ITGA8: variants seen among roughly 807,000 people sequenced by gnomAD.
ITGA8 encodes integrin subunit alpha 8, also known as integrin alpha-8.
In ITGA8, 91 loss-of-function variants were observed where a neutral mutation model predicts 142.3. The observed-to-expected ratio is 0.64, with a 90% confidence interval of 0.54 to 0.76. The LOEUF (loss-of-function observed/expected upper bound fraction) is 0.76. Ranked by LOEUF, ITGA8 falls within the 30% of genes least tolerant of loss-of-function variation. The pLI, the probability that ITGA8 is intolerant of heterozygous loss-of-function variation, is 0.00. For missense variants in ITGA8, 1,406 were observed against 1,327.7 expected, an observed-to-expected ratio of 1.06 and a Z score of -0.92; for synonymous variants, 505 against 485.2, an observed-to-expected ratio of 1.04 and a Z score of -0.54.
chr10:15,677,593 T>C lies in ITGA8; in HGVS notation c.675A>G (p.Gln225=). ...IVGGPGSFYW[Q]GQVITASVAD... ...TTCTTGTCTGCCAACAGAACATACC[T>C]TGCCAGTAGAAACTCCCAGGTCCTC... is the stretch of plus-strand genomic sequence containing the variant. Residue 225 remains glutamine (Q), a splice_region_variant and synonymous_variant, in exon 6 of 30, where the codon CAA becomes CAG. Coordinates refer to ENST00000378076, the MANE Select transcript of ITGA8 (RefSeq NM_003638.3). 1 of 1,613,394 alleles carries C rather than the reference T, an allele frequency of 6.2e-7. No individual in the cohort carries two copies. The highest frequency in any genetic ancestry group is 8.5e-7 in the Non-Finnish European group (1 of 1,179,612).
At chr10:15,535,150 C>G (rs1475239529) in intron 27 of ITGA8, among the ~76,000 whole-genome samples, 3 of 152,310 alleles carry the variant, frequency 2.0e-5, no homozygotes, top group African/African-American at 7.2e-5. Context: ...GGATTTCTCC[C>G]TGGGCCTTAG....
At chr10:15,525,538 A>G (rs1446596720) in intron 28 of ITGA8, among the ~76,000 whole-genome samples, 1 of 146,240 alleles carries the variant, frequency 6.8e-6, no homozygotes, top group Non-Finnish European at 1.5e-5. Context: ...GCTACTAGGG[A>G]GGCCGAGGTA....
At chr10:15,601,711 T>A (rs898409095) in intron 20 of ITGA8, among the ~76,000 whole-genome samples, 7 of 152,148 alleles carry the variant, frequency 4.6e-5, no homozygotes, top group African/African-American at 1.7e-4. Context: ...TAAGGTTTCC[T>A]AGAGCAAGAG....
intron 2 of ITGA8, among the ~76,000 whole-genome samples, chr10:15,704,961 T>G (rs1835230737): frequency 6.6e-6 from 1 of 151,930 alleles, no homozygotes; most frequent in African/African-American, 2.4e-5. Context: ...GTCCCAACCA[T>G]TCACCTAACA....
At chr10:15,694,678 CATATATATATATAT>C (rs71374639) in intron 2 of ITGA8, among the ~76,000 whole-genome samples, 3 of 77,528 alleles carry the variant, frequency 3.9e-5, no homozygotes, top group Non-Finnish European at 7.4e-5. Flanking sequence ...TATTTGTCGA[CATATATATATATAT>C]ATATATATAT....
chr10:15,655,810 G>T (rs1036331635), intron 10 of ITGA8, among the ~76,000 whole-genome samples: 1 of 152,098 alleles, frequency 6.6e-6, no homozygotes, highest in African/African-American at 2.4e-5. Flanking sequence ...TTCAGGCTGG[G>T]TGTGGTGGCT....
At chr10:15,593,101 A>G (rs149574523) in intron 21 of ITGA8, among the ~76,000 whole-genome samples, 265 of 152,276 alleles carry the variant, frequency 1.7e-3, no homozygotes, top group African/African-American at 6.2e-3. Context: ...ATTCCTCTAC[A>G]GTACAGGAGT....
In ITGA8 at chr10:15,677,633, C is replaced by T. The variant is rs369227165; in HGVS notation, c.635G>A (p.Gly212Glu). ...CCCAGGTCCTCCCACAATAAGGTCT[C>T]CATTCTACAAAACAGAAACAGCAAC... ...AGFSLDFYKNGDLIVGGPGSF... is the reference protein window; with the variant it reads ...AGFSLDFYKNEDLIVGGPGSF... The change falls in exon 6 of 30, where the codon GGA (glycine) becomes GAA (glutamate). Residue 212 changes from glycine to glutamate, a missense_variant. By Grantham distance (98) the Gly-to-Glu change is moderately conservative. Coordinates refer to ENST00000378076, the MANE Select transcript of ITGA8 (RefSeq NM_003638.3). The T allele has an allele frequency of 1.2e-6, 2 of 1,612,966 alleles. No individual in the cohort carries two copies. Among genetic ancestry groups the T allele is most frequent in the South Asian group, 2.2e-5 (2 of 90,894 alleles).
intron 2 of ITGA8, among the ~76,000 whole-genome samples, chr10:15,703,048 T>C (rs557683195): frequency 6.6e-6 from 1 of 152,360 alleles, no homozygotes; most frequent in Non-Finnish European, 1.5e-5. Flanking sequence ...TTTTAAATTA[T>C]TTGTTCATAT....
At chr10:15,535,390 G>T (rs1833408548) in intron 27 of ITGA8, among the ~76,000 whole-genome samples, 1 of 152,240 alleles carries the variant, frequency 6.6e-6, no homozygotes, top group Admixed American at 6.5e-5. Flanking sequence ...GGCGAAGCCA[G>T]CTGGGCTCCT....
chr10:15,702,116 C>T (rs1835174924), intron 2 of ITGA8, among the ~76,000 whole-genome samples: 1 of 152,104 alleles, frequency 6.6e-6, no homozygotes. Flanking sequence ...TAAAGAATAT[C>T]ACAGTTTTCC....
At chr10:15,584,964 G>T (rs956221722) in intron 23 of ITGA8, among the ~76,000 whole-genome samples, 4 of 152,142 alleles carry the variant, frequency 2.6e-5, no homozygotes, top group Non-Finnish European at 5.9e-5. Context: ...TGAGGCCCGA[G>T]AATCACTTGA....
intron 2 of ITGA8, among the ~76,000 whole-genome samples, chr10:15,702,223 G>A (rs535229132): frequency 1.3e-5 from 2 of 151,246 alleles, no homozygotes; most frequent in African/African-American, 4.9e-5. Context: ...ATGCTTACAC[G>A]CACATTAAAT....
At chr10:15,631,415 G>A (rs7078139) in intron 13 of ITGA8, among the ~76,000 whole-genome samples, 27,521 of 151,618 alleles carry the variant, frequency 0.18, 3,042 homozygotes, top group Admixed American at 0.29. Flanking sequence ...TGTCCTTTGC[G>A]GGGACATGGA....
rs1308579541 is a variant in ITGA8, at chr10:15,548,489, A to C, written c.2846T>G (p.Val949Gly). The change falls in exon 27 of 30, where the codon GTC (valine) becomes GGC (glycine). Residue 949 changes from valine (V) to glycine (G), a missense_variant. Transcript: ENST00000378076. ...GGTGTGGGCCCATAATCGTGACCTGACTTTCAGGACTGCGCTTTCTCCTCC... is the reference window on the plus strand; with the variant it reads ...GGTGTGGGCCCATAATCGTGACCTGCCTTTCAGGACTGCGCTTTCTCCTCC... The part of the protein sequence containing the change: ...LEGGESAVLK[V>G]RSRLWAHTFL... 6.2e-7 allele frequency: 1 copy of C among 1,607,034 alleles called. No individual in the cohort carries two copies. Among genetic ancestry groups the C allele is most frequent in the Non-Finnish European group, 8.5e-7 (1 of 1,178,026 alleles).
rs9333270 is a variant in ITGA8 at position 15,606,111 on chromosome 10, C to T, written c.1902+174G>A. On this transcript the variant is annotated intron_variant, in intron 18 of 29. Transcript: ENST00000378076. ...TTGATTGCACAAGAGGAAAGGCTTC[C>T]GAAAAACACAATCATGCAGTGTTTC... is the stretch of plus-strand genomic sequence containing the variant. Among the ~76,000 whole-genome samples the T allele has an allele frequency of 1.0e-3, 153 of 152,148 alleles. 1 individual carries two copies. The highest frequency in any genetic ancestry group is 4.3e-3 in the Admixed American group (65 of 15,260).
intron 13 of ITGA8, among the ~76,000 whole-genome samples, chr10:15,643,346 C>G (rs1312437045): frequency 1.3e-5 from 2 of 152,182 alleles, no homozygotes; most frequent in Non-Finnish European, 2.9e-5. Flanking sequence ...GTGGCTCGAT[C>G]TTGGCTCAGT....
chr10:15,648,691 C>G (rs767133736), intron 11 of ITGA8, among the ~76,000 whole-genome samples: 26 of 152,170 alleles, frequency 1.7e-4, no homozygotes, highest in Admixed American at 7.2e-4. Flanking sequence ...AAACTTTCTT[C>G]AAGATCTGAG....
intron 5 of ITGA8, among the ~76,000 whole-genome samples, 157 bp downstream of exon 5, chr10:15,678,565 T>G (rs1233152708): frequency 6.6e-6 from 1 of 152,096 alleles, no homozygotes; most frequent in Non-Finnish European, 1.5e-5. Context: ...AATGGAAAAA[T>G]TTTTTTAGAA....
Sources: allele counts gnomAD v4.1 joint callset (sites outside exome capture counted in the v4.1 genomes callset), GRCh38; gene constraint gnomAD v4.1.1; transcripts MANE v1.5; gene names NCBI Gene and HGNC (gene_info 2026-07-23, HGNC 2026-07-21).